Variants in APP observed in about 807,000 individuals in gnomAD.
The protein encoded by APP is amyloid-beta precursor protein.
APP carries 31 observed loss-of-function variants against 101.4 expected under a neutral mutation model. The observed-to-expected ratio is 0.31, with a 90% confidence interval of 0.23 to 0.41. The LOEUF (loss-of-function observed/expected upper bound fraction) is 0.41, where lower values mean the gene tolerates loss of function less well. Ranked by LOEUF, APP falls within the 10% of genes least tolerant of loss-of-function variation. APP has a pLI of 1.00. For missense variants in APP, 839 were observed against 1,003.7 expected (o/e 0.84, Z 2.22); for synonymous variants, 366 against 364.4 (o/e 1.00, Z -0.05).
intron 5 of APP, among the ~76,000 whole-genome samples, chr21:26,044,683 G>C (rs1162804240): frequency 1.3e-5 from 2 of 152,122 alleles, no homozygotes; most frequent in Non-Finnish European, 2.9e-5. Context: ...GGGATTACAG[G>C]CATGCGCCAC....
rs2039032603 is a variant in APP at position 25,910,777 on chromosome 21, A to T, written c.1909+964T>A. ...GCAGCTGCCTTAAATTTAATTTTCT[A>T]AACACAAATTAAGTCTTAAGCAAAA... On this transcript the variant is annotated intron_variant, in intron 14 of 17. Coordinates refer to ENST00000346798, the MANE Select transcript of APP (RefSeq NM_000484.4). Among the ~76,000 whole-genome samples, 5 of 152,350 alleles carry T rather than the reference A, an allele frequency of 3.3e-5. 1 individual carries two copies. The South Asian group carries it at 1.0e-3, about 32-fold the overall frequency.
chr21:25,901,035 A>G (rs2038433262), intron 15 of APP, among the ~76,000 whole-genome samples: 1 of 30,836 alleles, frequency 3.2e-5, no homozygotes, highest in Admixed American at 4.3e-4. Flanking sequence ...GCAGTGACTC[A>G]TGCCTGTAAT....
At chr21:25,965,282 C>T (rs1301033122) in intron 11 of APP, among the ~76,000 whole-genome samples, 3 of 152,166 alleles carry the variant, frequency 2.0e-5, no homozygotes, top group Non-Finnish European at 4.4e-5. Context: ...TCGACTAACT[C>T]GGACCCTTGC....
intron 16 of APP, among the ~76,000 whole-genome samples, chr21:25,892,947 T>C (rs1216360502): frequency 1.9e-5 from 1 of 52,268 alleles, no homozygotes; most frequent in Admixed American, 1.5e-4. Flanking sequence ...ACAGATAGTA[T>C]TTAAAAAAAA....
At chr21:26,079,044 CAAAAAAA>C (rs34285555) in intron 3 of APP, among the ~76,000 whole-genome samples, 1 of 114,456 alleles carries the variant, frequency 8.7e-6, no homozygotes, top group African/African-American at 3.5e-5. Context: ...AACTCCATCT[CAAAAAAA>C]AAAAAAAAAA....
At chr21:26,118,016 A>G (rs891651554) in intron 1 of APP, among the ~76,000 whole-genome samples, 1 of 152,164 alleles carries the variant, frequency 6.6e-6, no homozygotes, top group Non-Finnish European at 1.5e-5. Context: ...CTCTGTTGAT[A>G]TTAGATTGGT....
At chr21:25,905,335 C>T (rs2038734131) in intron 14 of APP, among the ~76,000 whole-genome samples, 1 of 152,148 alleles carries the variant, frequency 6.6e-6, no homozygotes, top group Non-Finnish European at 1.5e-5. Context: ...CCAGGATACG[C>T]AGCAACATCA....
At chr21:26,165,978 C>A (rs2063598696) in intron 1 of APP, among the ~76,000 whole-genome samples, 1 of 152,116 alleles carries the variant, frequency 6.6e-6, no homozygotes, top group Admixed American at 6.5e-5. Context: ...TGCCAGATTT[C>A]TACTTCTGAA....
intron 6 of APP, among the ~76,000 whole-genome samples, chr21:26,019,377 A>G (rs147784226): frequency 5.4e-4 from 82 of 152,124 alleles, no homozygotes; most frequent in African/African-American, 1.9e-3. Flanking sequence ...AGCAAAATCC[A>G]CTGGTAGACA....
intron 1 of APP, among the ~76,000 whole-genome samples, chr21:26,129,460 C>A (rs557377995): frequency 1.3e-5 from 2 of 150,126 alleles, no homozygotes; most frequent in African/African-American, 2.5e-5. Context: ...CAGAGTGAGA[C>A]TCCGTTTCAA....
chr21:25,898,615 T>C (rs1470842968), intron 15 of APP, among the ~76,000 whole-genome samples: 2 of 152,226 alleles, frequency 1.3e-5, no homozygotes, highest in Non-Finnish European at 2.9e-5. Context: ...CTCCATTTTT[T>C]GATAGATTTG....
At chr21:26,016,783 G>A (rs1470225508) in intron 6 of APP, among the ~76,000 whole-genome samples, 1 of 152,084 alleles carries the variant, frequency 6.6e-6, no homozygotes, top group Non-Finnish European at 1.5e-5. Flanking sequence ...TGTTAGCCAG[G>A]ATGGCCTTAA....
chr21:26,053,545 T>A, intron 3 of APP, 197 bp from the exon 4 acceptor site: 1 of 503,948 alleles, frequency 2.0e-6, no homozygotes, highest in Non-Finnish European at 3.6e-6. Flanking sequence ...CACTTCAAGT[T>A]TGATGGTTAA....
intron 15 of APP, among the ~76,000 whole-genome samples, chr21:25,902,995 T>C (rs954981041): frequency 1.3e-5 from 2 of 152,332 alleles, no homozygotes; most frequent in East Asian, 1.9e-4. Context: ...TCTCTAGCTC[T>C]TCCTTTAAAA....
Position 25,881,611 on chromosome 21 carries a change from C to G in APP, c.*59G>C. The stretch of plus-strand genomic sequence containing the variant: ...CCCACATTATTCTATAAATGGACAC[C>G]GATGGGTAGTGAAGCAATGGTTTTG... On this transcript the variant is annotated 3_prime_UTR_variant, in exon 18 of 18. Transcript: ENST00000346798. The G allele has an allele frequency of 1.3e-6, 2 of 1,539,410 alleles. No individual in the cohort carries two copies. The highest frequency in any genetic ancestry group is 1.8e-6 in the Non-Finnish European group (2 of 1,112,872).
At chr21:26,031,788 G>T (rs116923461) in intron 5 of APP, among the ~76,000 whole-genome samples, 2,378 of 152,272 alleles carry the variant, frequency 0.016, 32 homozygotes, top group Middle Eastern at 0.027. Flanking sequence ...GTCCATATCA[G>T]GAAGCAAAAA....
intron 3 of APP, among the ~76,000 whole-genome samples, chr21:26,055,348 T>C (rs2045998712): frequency 6.6e-6 from 1 of 152,036 alleles, no homozygotes; most frequent in African/African-American, 2.4e-5. Context: ...AAGATATAAA[T>C]TATAAGGAAA....
At chr21:26,014,907 T>C (rs143751102) in intron 6 of APP, among the ~76,000 whole-genome samples, 131 of 152,358 alleles carry the variant, frequency 8.6e-4, no homozygotes, top group African/African-American at 3.1e-3. Flanking sequence ...ATCTGTTCAC[T>C]TAACAGAAGA....
chr21:26,018,337 A>T (rs1051609060), intron 6 of APP, among the ~76,000 whole-genome samples: 2 of 152,246 alleles, frequency 1.3e-5, no homozygotes, highest in Non-Finnish European at 2.9e-5. Context: ...TCCCTGCAGT[A>T]TCTCATCTTT....
Sources: gnomAD v4.1 joint callset for allele counts (sites outside exome capture counted in the v4.1 genomes callset) on GRCh38, gnomAD v4.1.1 for gene constraint, MANE v1.5 for transcripts, NCBI Gene and HGNC (gene_info 2026-07-23, HGNC 2026-07-21) for gene names.